The following IGF1R variants were observed in gnomAD, a reference collection of about 807,000 sequenced individuals.
IGF1R encodes insulin-like growth factor 1 receptor.
A neutral mutation model predicts 144.6 loss-of-function variants in IGF1R; 44 were observed. The observed-to-expected ratio is 0.30, with a 90% confidence interval of 0.24 to 0.39. The LOEUF (loss-of-function observed/expected upper bound fraction) is 0.39, where lower values mean the gene tolerates loss of function less well. Ranked by LOEUF, IGF1R falls within the 10% of genes least tolerant of loss-of-function variation. The probability of loss-of-function intolerance (pLI) is 1.00; values close to 1 mark genes in which losing one functional copy is unlikely to be tolerated. For missense variants in IGF1R, 1,355 were observed against 1,833.7 expected (o/e 0.74, Z 4.77); for synonymous variants, 795 against 722.8 (o/e 1.10, Z -1.60).
chr15:98,786,278 A>G (rs1013201180), intron 2 of IGF1R, among the ~76,000 whole-genome samples: 6 of 152,226 alleles, frequency 3.9e-5, no homozygotes, highest in African/African-American at 1.2e-4. Context: ...GAGGGTACAT[A>G]CAGTGTGGTT....
intron 2 of IGF1R, among the ~76,000 whole-genome samples, chr15:98,802,066 C>A (rs981980589): frequency 1.3e-5 from 2 of 152,080 alleles, no homozygotes; most frequent in African/African-American, 4.8e-5. Context: ...AGTTGTGGCC[C>A]CTTTTCAACC....
chr15:98,758,671 C>T (rs1216822816), intron 2 of IGF1R, among the ~76,000 whole-genome samples: 1 of 152,196 alleles, frequency 6.6e-6, no homozygotes, highest in Non-Finnish European at 1.5e-5. Flanking sequence ...GTTACAATGA[C>T]CATGGAGAAC....
intron 2 of IGF1R, among the ~76,000 whole-genome samples, chr15:98,821,355 T>C (rs1241284721): frequency 1.3e-5 from 2 of 152,034 alleles, no homozygotes; most frequent in African/African-American, 4.8e-5. Flanking sequence ...AGCTGCTTCT[T>C]ACCTCCCTTG....
intron 2 of IGF1R, among the ~76,000 whole-genome samples, chr15:98,734,471 A>G (rs1278037274): frequency 6.6e-6 from 1 of 152,166 alleles, no homozygotes; most frequent in Non-Finnish European, 1.5e-5. Flanking sequence ...CACTGCCCAG[A>G]ATGGCTTACA....
intron 2 of IGF1R, among the ~76,000 whole-genome samples, chr15:98,879,116 G>T (rs2013238840): frequency 6.6e-6 from 1 of 152,178 alleles, no homozygotes; most frequent in African/African-American, 2.4e-5. Context: ...GTCCAGCCTG[G>T]ATTTCACAGT....
At chr15:98,662,033 G>A (rs1198755101) in intron 1 of IGF1R, among the ~76,000 whole-genome samples, 1 of 136,240 alleles carries the variant, frequency 7.3e-6, no homozygotes, top group African/African-American at 2.8e-5. Context: ...TGCAATCTCC[G>A]CTCACTGCAA....
intron 19 of IGF1R, among the ~76,000 whole-genome samples, chr15:98,948,361 G>A (rs976779491): frequency 3.9e-5 from 6 of 152,294 alleles, no homozygotes; most frequent in East Asian, 1.9e-4. Context: ...CTCCACCACC[G>A]GGGCTGAATT....
intron 2 of IGF1R, among the ~76,000 whole-genome samples, chr15:98,846,453 C>A: frequency 6.6e-6 from 1 of 152,168 alleles, no homozygotes; most frequent in Non-Finnish European, 1.5e-5. Flanking sequence ...TACTTTGGGG[C>A]CTGTAACTCC....
chr15:98,899,439 A>G (rs372479895), intron 4 of IGF1R, 38 bp from the exon 5 acceptor site: 3 of 1,610,934 alleles, frequency 1.9e-6, no homozygotes, highest in Admixed American at 1.7e-5. Context: ...CCCTTACACC[A>G]AGTGAGCACA....
At chr15:98,703,043 C>T (rs1344568309) in intron 1 of IGF1R, among the ~76,000 whole-genome samples, 1 of 152,156 alleles carries the variant, frequency 6.6e-6, no homozygotes, top group African/African-American at 2.4e-5. Flanking sequence ...ACTCCCAGCA[C>T]CCCCATCTGT....
chr15:98,722,310 G>A (rs1470948791), intron 2 of IGF1R, among the ~76,000 whole-genome samples: 1 of 152,160 alleles, frequency 6.6e-6, no homozygotes, highest in African/African-American at 2.4e-5. Context: ...TCCACATTTG[G>A]AACTTTGGAT....
chr15:98,649,756 G>C (rs2052302719), intron 1 of IGF1R, 81 bp downstream of exon 1: 5 of 1,081,534 alleles, frequency 4.6e-6, no homozygotes, highest in Non-Finnish European at 7.0e-6. Flanking sequence ...AACCCGAGTT[G>C]CCACCGTCGC....
At chr15:98,685,169 T>G (rs1008225972) in intron 1 of IGF1R, among the ~76,000 whole-genome samples, 20 of 152,026 alleles carry the variant, frequency 1.3e-4, no homozygotes, top group Admixed American at 1.1e-3. Flanking sequence ...GCACTCAAAC[T>G]CCTGGACTCA....
rs886051613 is a variant in IGF1R, at chr15:98,963,233, G to A, written c.*5791G>A. 19 of 201,760 alleles carry A rather than the reference G, an allele frequency of 9.4e-5. No homozygotes were observed. Among genetic ancestry groups the A allele is most frequent in the Admixed American group, 5.0e-4 (7 of 14,138 alleles). 12.5% of individuals were successfully genotyped at this position (201,760 alleles called of 1,614,324 possible). On this transcript the variant is annotated 3_prime_UTR_variant, in exon 21 of 21. Transcript: ENST00000650285. ...GATCCATTTTTTTTTTTTTTTTTTA[G>A]GACACCTGTTTACTAGCTAGCTTTA...
intron 2 of IGF1R, among the ~76,000 whole-genome samples, chr15:98,880,400 A>G (rs147785400): frequency 4.0e-5 from 6 of 151,774 alleles, no homozygotes; most frequent in African/African-American, 1.5e-4. Flanking sequence ...TTTTCTCAAT[A>G]CTCTGCCCAG....
Position 98,962,773 on chromosome 15 carries a change from G to A in IGF1R, c.*5331G>A, listed in dbSNP as rs2017275877. 4.3e-6 allele frequency: 1 copy of A among 233,526 alleles called. No homozygotes were observed. The highest frequency in any genetic ancestry group is 6.0e-5 in the East Asian group (1 of 16,604). The allele number at this position is 233,526 out of a possible 1,614,324, so 14.5% of individuals were successfully genotyped here. On this transcript the variant is annotated 3_prime_UTR_variant, in exon 21 of 21. Transcript: ENST00000650285. Reference sequence around the variant, plus strand: ...TATCAGACCACATCGAGGCTCAGCAGTCATCCGTGGGCATTTGGTTTCAAC... The same window carrying A: ...TATCAGACCACATCGAGGCTCAGCAATCATCCGTGGGCATTTGGTTTCAAC...
intron 2 of IGF1R, among the ~76,000 whole-genome samples, chr15:98,876,265 T>G (rs937681703): frequency 9.2e-5 from 14 of 151,868 alleles, no homozygotes; most frequent in Middle Eastern, 6.8e-3. Flanking sequence ...GTTCTTCATT[T>G]GAACCCAATT....
chr15:98,840,981 G>A (rs906771297), intron 2 of IGF1R, among the ~76,000 whole-genome samples: 9 of 152,204 alleles, frequency 5.9e-5, no homozygotes, highest in Middle Eastern at 6.8e-3. Flanking sequence ...GCGCCTGGCC[G>A]TCCAGGCTGG....
chr15:98,944,615 C>T (rs1322144371), intron 19 of IGF1R, among the ~76,000 whole-genome samples: 2 of 152,178 alleles, frequency 1.3e-5, no homozygotes, highest in Non-Finnish European at 2.9e-5. Context: ...AGCAATGATT[C>T]CTAAATAGTT....
Sources: gnomAD v4.1 joint callset for allele counts (sites outside exome capture counted in the v4.1 genomes callset) on GRCh38, gnomAD v4.1.1 for gene constraint, MANE v1.5 for transcripts, NCBI Gene and HGNC (gene_info 2026-07-23, HGNC 2026-07-21) for gene names.